The following SLC9A9 variants were observed in gnomAD, a reference collection of about 807,000 sequenced individuals.
SLC9A9 encodes solute carrier family 9 member A9.
Under a neutral mutation model 77.8 loss-of-function variants are expected in SLC9A9, and 62 were observed. That is an observed-to-expected ratio of 0.80 (90% CI 0.65 to 0.98). SLC9A9 has a LOEUF of 0.98. Among genes scored for constraint, SLC9A9 ranks in the 50% least tolerant of loss-of-function variants. The pLI is 0.00. For synonymous variants in SLC9A9, 320 were observed against 283.5 expected (o/e 1.13, Z -1.29); for missense variants, 775 against 774.9 (o/e 1.00, Z 0.00).
intron 12 of SLC9A9, among the ~76,000 whole-genome samples, chr3:143,447,312 T>C (rs1359604754): frequency 2.0e-5 from 3 of 152,164 alleles, no homozygotes; most frequent in African/African-American, 7.2e-5. Context: ...AATGTTTGTG[T>C]TGAGAACTGG....
chr3:143,388,342 A>C (rs1419313410), intron 12 of SLC9A9, among the ~76,000 whole-genome samples: 1 of 151,932 alleles, frequency 6.6e-6, no homozygotes. Flanking sequence ...AAGTGAAAAA[A>C]CTCAGTTCAT....
At position 143,458,220 on chromosome 3, in the gene SLC9A9, A is replaced by C. The variant is rs1299590147; in HGVS notation, c.1469+8817T>G. Among the ~76,000 whole-genome samples the C allele has an allele frequency of 2.6e-5, 4 of 152,118 alleles. No homozygotes were observed. In the East Asian group the frequency reaches 7.7e-4, roughly 29 times the overall value. Reference sequence around the variant, plus strand: ...ATCCTTGGAAAATTTTCTTGCTCTCAAGACTATTTGATTTAATATAGCCAC... The same window carrying C: ...ATCCTTGGAAAATTTTCTTGCTCTCCAGACTATTTGATTTAATATAGCCAC... On this transcript the variant is annotated intron_variant, in intron 12 of 15. Transcript: ENST00000316549.
chr3:143,783,168 A>G (rs1266527243), intron 4 of SLC9A9, among the ~76,000 whole-genome samples: 2 of 152,138 alleles, frequency 1.3e-5, no homozygotes, highest in Non-Finnish European at 2.9e-5. Context: ...TGCAGGCTAC[A>G]GGATGCTAAA....
At chr3:143,754,217 C>T (rs1223436924) in intron 4 of SLC9A9, among the ~76,000 whole-genome samples, 1 of 152,156 alleles carries the variant, frequency 6.6e-6, no homozygotes, top group East Asian at 1.9e-4. Flanking sequence ...ATAACCATGG[C>T]AATGATAAAA....
At chr3:143,437,832 C>A (rs2034651942) in intron 12 of SLC9A9, among the ~76,000 whole-genome samples, 1 of 152,144 alleles carries the variant, frequency 6.6e-6, no homozygotes, top group Non-Finnish European at 1.5e-5. Flanking sequence ...CAATCAAGAG[C>A]AAGACTATAA....
intron 6 of SLC9A9, among the ~76,000 whole-genome samples, chr3:143,604,344 A>G (rs1158825110): frequency 6.6e-6 from 1 of 152,232 alleles, no homozygotes; most frequent in African/African-American, 2.4e-5. Flanking sequence ...TAGATGAATA[A>G]GACAAGAAGT....
chr3:143,606,436 CTATATATATATA>C (rs60773685), intron 6 of SLC9A9, among the ~76,000 whole-genome samples: 46 of 54,216 alleles, frequency 8.5e-4, no homozygotes, highest in Admixed American at 6.0e-3. Flanking sequence ...CTCTCTCTCT[CTATATATATATA>C]TATATATATA....
chr3:143,346,235 A>G (rs920516547), intron 14 of SLC9A9, among the ~76,000 whole-genome samples: 1 of 152,196 alleles, frequency 6.6e-6, no homozygotes, highest in Non-Finnish European at 1.5e-5. Flanking sequence ...CTTGGCTAAA[A>G]GAAGATTATT....
intron 9 of SLC9A9, among the ~76,000 whole-genome samples, chr3:143,509,089 T>C (rs1446049396): frequency 2.0e-5 from 3 of 152,208 alleles, no homozygotes; most frequent in African/African-American, 4.8e-5. Flanking sequence ...GAGTGGACTA[T>C]GGAAAGGCAT....
Position 143,370,567 on chromosome 3 carries a change from G to GCGCACACACACACACA in SLC9A9, c.1525-7005_1525-7004insTGTGTGTGTGTGTGCG, listed in dbSNP as rs373398536. Among the ~76,000 whole-genome samples the GCGCACACACACACACA allele has an allele frequency of 2.9e-4, 41 of 143,420 alleles. No individual in the cohort carries two copies. The East Asian group carries it at 3.6e-3, about 13-fold the overall frequency. The allele number at this position is 143,420 out of a possible 152,430, so 94.1% of individuals were successfully genotyped here. A position where few individuals can be genotyped will look rare whatever the true frequency, so the allele number is the denominator to read the frequency against. ...TGTACACAAGTATATGCATGTGCGC[G>GCGCACACACACACACA]CACACACACACACACACACACACAC... On this transcript the variant is annotated intron_variant, in intron 13 of 15. Coordinates refer to ENST00000316549, the MANE Select transcript of SLC9A9 (RefSeq NM_173653.4).
At chr3:143,567,712 T>C (rs973880248) in intron 8 of SLC9A9, among the ~76,000 whole-genome samples, 1 of 152,162 alleles carries the variant, frequency 6.6e-6, no homozygotes, top group African/African-American at 2.4e-5. Context: ...AATCAAATGA[T>C]CATCATCAAA....
intron 5 of SLC9A9, among the ~76,000 whole-genome samples, chr3:143,671,398 A>G (rs1324775535): frequency 6.6e-6 from 1 of 152,178 alleles, no homozygotes; most frequent in Admixed American, 6.5e-5. Flanking sequence ...TTCCATACCT[A>G]TATTTCATTA....
intron 2 of SLC9A9, among the ~76,000 whole-genome samples, chr3:143,807,677 G>A (rs929607804): frequency 1.4e-4 from 21 of 152,198 alleles, no homozygotes; most frequent in Non-Finnish European, 2.9e-4. Context: ...CCTGGGAGGC[G>A]GAGGTTGCAG....
chr3:143,803,682 C>G (rs923988228), intron 2 of SLC9A9, among the ~76,000 whole-genome samples: 7 of 152,158 alleles, frequency 4.6e-5, no homozygotes, highest in African/African-American at 1.7e-4. Flanking sequence ...TCTATCTCTC[C>G]CCAGCTATCT....
intron 8 of SLC9A9, among the ~76,000 whole-genome samples, chr3:143,573,205 A>G (rs1227446245): frequency 1.3e-5 from 2 of 152,194 alleles, no homozygotes; most frequent in African/African-American, 4.8e-5. Flanking sequence ...GACTTAAAGT[A>G]TCACCTATTA....
rs193113924 is a variant in SLC9A9, at chr3:143,648,463, C to T, written c.755+3792G>A. Among the ~76,000 whole-genome samples the T allele has an allele frequency of 4.1e-4, 63 of 152,244 alleles. 1 individual carries two copies. The highest frequency in any genetic ancestry group is 1.7e-3 in the Admixed American group (26 of 15,296). On this transcript the variant is annotated intron_variant, in intron 6 of 15. Transcript: ENST00000316549. ...AATGCCGCCGCTGATCTCACAGAGG[C>T]GGAGCTCAGGCAGTACTGCTCACTG...
intron 6 of SLC9A9, among the ~76,000 whole-genome samples, chr3:143,625,729 T>C (rs1425316184): frequency 1.3e-5 from 2 of 151,874 alleles, no homozygotes; most frequent in African/African-American, 2.4e-5. Context: ...TCTAAAACAC[T>C]AAAAGCAATG....
At chr3:143,659,859 C>T (rs1307913047) in intron 5 of SLC9A9, among the ~76,000 whole-genome samples, 2 of 152,174 alleles carry the variant, frequency 1.3e-5, no homozygotes, top group Non-Finnish European at 2.9e-5. Flanking sequence ...GGAAGGGACC[C>T]TGTGGGAGGT....
chr3:143,646,219 C>T (rs1050076307), intron 6 of SLC9A9, among the ~76,000 whole-genome samples: 1 of 150,712 alleles, frequency 6.6e-6, no homozygotes. Context: ...CCACATAACA[C>T]TTCTGACTCC....
Sources: gnomAD v4.1 joint callset for allele counts (sites outside exome capture counted in the v4.1 genomes callset) on GRCh38, gnomAD v4.1.1 for gene constraint, MANE v1.5 for transcripts, NCBI Gene and HGNC (gene_info 2026-07-23, HGNC 2026-07-21) for gene names.